The following ZPBP variants were observed in gnomAD, a reference collection of about 807,000 sequenced individuals.
ZPBP encodes zona pellucida-binding protein 1.
A neutral mutation model predicts 44.8 loss-of-function variants in ZPBP; 26 were observed. The observed-to-expected ratio is 0.58, with a 90% CI of 0.43 to 0.81. The LOEUF is 0.81. ZPBP is among the 30% of genes least tolerant of loss of function. The pLI, the probability that ZPBP is intolerant of heterozygous loss-of-function variation, is 0.00. For synonymous variants in ZPBP, 174 were observed against 153.2 expected (o/e 1.14, Z -1.00); for missense variants, 409 against 434.0 (o/e 0.94, Z 0.51).
chr7:50,051,689 T>C (rs6978567), intron 4 of ZPBP, among the ~76,000 whole-genome samples: 121,459 of 152,022 alleles, frequency 0.8, 48,603 homozygotes, highest in East Asian at 0.92. Context: ...AGCCATTATC[T>C]TCAGCAAACT....
intron 6 of ZPBP, among the ~76,000 whole-genome samples, chr7:50,015,295 A>C (rs1490375117): frequency 6.6e-6 from 1 of 152,150 alleles, no homozygotes; most frequent in Non-Finnish European, 1.5e-5. Context: ...TTGTACTCAA[A>C]GCTTCATTGT....
intron 7 of ZPBP, among the ~76,000 whole-genome samples, chr7:49,974,792 A>C (rs1035591421): frequency 3.6e-3 from 1 of 280 alleles, no homozygotes; most frequent in Non-Finnish European, 7.2e-3. Flanking sequence ...CTGTAGTCTC[A>C]AACTACTTTC....
chr7:50,010,908 C>CAAAAAAAAAAAAAAAAAAAAAAAAAAA (rs71554292), intron 6 of ZPBP, among the ~76,000 whole-genome samples: 4 of 92,434 alleles, frequency 4.3e-5, no homozygotes, highest in African/African-American at 5.6e-5. Context: ...CAAGACCAAG[C>CAAAAAAAAAAAAAAAAAAAAAAAAAAA]AAAAAAAAAA....
chr7:49,847,890 A>G (rs1408691788), downstream of ZPBP, among the ~76,000 whole-genome samples: 1 of 152,132 alleles, frequency 6.6e-6, no homozygotes, highest in East Asian at 1.9e-4. Context: ...CAACAAGAAA[A>G]GTGCACTCAC....
chr7:49,993,146 A>G, intron 6 of ZPBP, among the ~76,000 whole-genome samples: 1 of 152,110 alleles, frequency 6.6e-6, no homozygotes, highest in Non-Finnish European at 1.5e-5. Context: ...AAACAGAAAA[A>G]TAAGGTAAAA....
At chr7:50,088,533 T>C (rs1802786126) in intron 2 of ZPBP, among the ~76,000 whole-genome samples, 2 of 151,950 alleles carry the variant, frequency 1.3e-5, no homozygotes, top group African/African-American at 4.8e-5. Context: ...ATCCAATATA[T>C]AGAATATATA....
chr7:50,013,224 A>G lies in ZPBP; in HGVS notation c.783+5016T>C, dbSNP rs139879449. Among the ~76,000 whole-genome samples the G allele has an allele frequency of 1.8e-3, 278 of 152,060 alleles. 1 individual carries two copies. The highest frequency in any genetic ancestry group is 6.4e-3 in the African/African-American group (268 of 41,568). ...AATATAGTTATTTAAATTATTTTAC[A>G]GTATAGTTGTTATAATGTCACTTGA... is the stretch of plus-strand genomic sequence containing the variant. On this transcript the variant is annotated intron_variant, in intron 6 of 7. Transcript: ENST00000046087.
intron 7 of ZPBP, among the ~76,000 whole-genome samples, chr7:49,958,234 G>A (rs1441895984): frequency 6.6e-6 from 1 of 152,152 alleles, no homozygotes; most frequent in Non-Finnish European, 1.5e-5. Context: ...ATTTAGATGA[G>A]AGACTCTAGA....
chr7:50,081,896 T>C lies in ZPBP; in HGVS notation c.212A>G (p.Lys71Arg). The C allele has an allele frequency of 1.2e-6, 2 of 1,610,630 alleles. No homozygotes were observed. The highest frequency in any genetic ancestry group is 1.7e-6 in the Non-Finnish European group (2 of 1,177,746). Residue 71 changes from lysine (K) to arginine (R), a missense_variant, in exon 3 of 8, where the codon AAA (lysine) becomes AGA (arginine). This residue lies in a region of ZPBP where 367 missense variants were observed against 363.1 expected (regional missense o/e 1.01). Coordinates refer to ENST00000046087, the MANE Select transcript of ZPBP (RefSeq NM_007009.3). ...KIVGSTSFPV[K>R]AYVMLHQKSP... The stretch of plus-strand genomic sequence containing the variant: ...CTTTTGATGGAGCATGACATACGCT[T>C]TCACTGAAAATACAATATTTAAAAT...
chr7:49,878,471 A>G (rs964481025), intron 2 of ZPBP, among the ~76,000 whole-genome samples: 1 of 152,048 alleles, frequency 6.6e-6, no homozygotes, highest in Non-Finnish European at 1.5e-5. Context: ...TAAATAATGT[A>G]TTTGCTCAAT....
At chr7:49,875,132 G>A (rs1791345110) in intron 2 of ZPBP, among the ~76,000 whole-genome samples, 1 of 151,336 alleles carries the variant, frequency 6.6e-6, no homozygotes, top group Admixed American at 6.6e-5. Context: ...AGCACTTTGG[G>A]AGGCCGAGGC....
chr7:49,844,198 T>A, the ZPBP span, among the ~76,000 whole-genome samples: 75 of 152,188 alleles, frequency 4.9e-4, no homozygotes, highest in Admixed American at 4.9e-3. Flanking sequence ...AGAGTGGACG[T>A]CATGCATGCT....
At chr7:50,022,274 T>G (rs1053097151) in intron 5 of ZPBP, among the ~76,000 whole-genome samples, 22 of 152,106 alleles carry the variant, frequency 1.4e-4, no homozygotes, top group Non-Finnish European at 8.8e-5. Flanking sequence ...TATTCTTTTT[T>G]CACTCATCTT....
At chr7:49,883,164 T>C (rs973515734) in intron 2 of ZPBP, among the ~76,000 whole-genome samples, 1 of 151,972 alleles carries the variant, frequency 6.6e-6, no homozygotes, top group Non-Finnish European at 1.5e-5. Context: ...GTCAGACCTT[T>C]ATGCAGGTTT....
chr7:49,962,366 A>T (rs1795893880), intron 7 of ZPBP, among the ~76,000 whole-genome samples: 1 of 151,958 alleles, frequency 6.6e-6, no homozygotes, highest in African/African-American at 2.4e-5. Context: ...TCAATGCATC[A>T]TAAAAACATA....
intron 1 of ZPBP, 51 bp from the exon 2 acceptor site, chr7:50,089,760 T>G: frequency 7.3e-7 from 1 of 1,363,528 alleles, no homozygotes; most frequent in African/African-American, 1.4e-5. Flanking sequence ...TCTAAAATAT[T>G]CAAATATACT....
chr7:49,895,417 A>G (rs962050280), intron 2 of ZPBP, among the ~76,000 whole-genome samples: 2 of 152,240 alleles, frequency 1.3e-5, no homozygotes, highest in African/African-American at 4.8e-5. Flanking sequence ...ACCAGTGAGC[A>G]GGGTGGACAT....
chr7:50,042,587 G>A (rs1800149524), intron 4 of ZPBP, among the ~76,000 whole-genome samples: 1 of 152,144 alleles, frequency 6.6e-6, no homozygotes, highest in South Asian at 2.1e-4. Context: ...AAGTGAAGGA[G>A]AAATAAAATC....
At chr7:49,859,790 GCACACA>G (rs57768700) in intron 2 of ZPBP, among the ~76,000 whole-genome samples, 12 of 12,022 alleles carry the variant, frequency 1.0e-3, no homozygotes, top group East Asian at 0.01. Context: ...GCGCGTGCGT[GCACACA>G]CACACACACA....
Sources: gnomAD v4.1 joint callset for allele counts (sites outside exome capture counted in the v4.1 genomes callset) on GRCh38, gnomAD v4.1.1 for gene constraint, gnomAD v4.1.1 regional missense constraint, MANE v1.5 for transcripts, NCBI Gene and HGNC (gene_info 2026-07-23, HGNC 2026-07-21) for gene names.